Variants in RANBP2 observed in about 807,000 individuals in gnomAD.
RANBP2 encodes the protein RAN binding protein 2.
In RANBP2, 57 loss-of-function variants were observed where a neutral mutation model predicts 303.6. The observed-to-expected ratio is 0.19, with a 90% confidence interval of 0.15 to 0.23. RANBP2 has a LOEUF of 0.23. RANBP2 is among the 10% of genes least tolerant of loss of function. RANBP2 has a pLI of 1.00. For missense variants in RANBP2, 3,138 were observed against 3,780.8 expected (o/e 0.83, Z 4.46); for synonymous variants, 1,167 against 1,301.5 (o/e 0.90, Z 2.23).
chr2:109,129,567 C>T, the RANBP2 span: 2 of 1,489,098 alleles, frequency 1.3e-6, no homozygotes, highest in South Asian at 1.3e-5. Flanking sequence ...CCTGGCTGTG[C>T]GCATCCAAGG....
At chr2:109,614,155 T>C in the RANBP2 span, 2,604 of 1,193,722 alleles carry the variant, frequency 2.2e-3, 3 homozygotes, top group Admixed American at 5.0e-3. Context: ...GCGCGAGGAA[T>C]GCAGGCGGGA....
chr2:109,735,318 C>T, the RANBP2 span, among the ~76,000 whole-genome samples: 3 of 152,112 alleles, frequency 2.0e-5, no homozygotes, highest in Non-Finnish European at 2.9e-5. Flanking sequence ...GGTTCATTCA[C>T]GTTGTTGTAA....
the RANBP2 span, among the ~76,000 whole-genome samples, chr2:109,530,739 T>C: frequency 6.6e-6 from 1 of 152,222 alleles, no homozygotes; most frequent in Non-Finnish European, 1.5e-5. Flanking sequence ...AAGTCAAAGC[T>C]GACCACTGAC....
chr2:108,871,120 G>T, the RANBP2 span, among the ~76,000 whole-genome samples: 8 of 152,036 alleles, frequency 5.3e-5, 1 homozygote, highest in African/African-American at 1.9e-4. Flanking sequence ...TGAAAAGATG[G>T]ATGAATGGAT....
chr2:109,079,046 T>C, the RANBP2 span, among the ~76,000 whole-genome samples: 22 of 152,188 alleles, frequency 1.4e-4, no homozygotes, highest in Admixed American at 1.0e-3. Flanking sequence ...TGACTGGTAA[T>C]CGGTTCACGA....
At chr2:109,187,970 G>A in the RANBP2 span, among the ~76,000 whole-genome samples, 1 of 152,186 alleles carries the variant, frequency 6.6e-6, no homozygotes, top group African/African-American at 2.4e-5. Context: ...GGGCGGTAGG[G>A]ATTGTAAGGA....
the RANBP2 span, among the ~76,000 whole-genome samples, chr2:109,540,568 T>C: frequency 6.6e-6 from 1 of 151,874 alleles, no homozygotes; most frequent in Non-Finnish European, 1.5e-5. Flanking sequence ...CTCATGCCTG[T>C]AATTCTAACA....
At chr2:108,829,219 C>T in the RANBP2 span, among the ~76,000 whole-genome samples, 1 of 152,090 alleles carries the variant, frequency 6.6e-6, no homozygotes, top group Non-Finnish European at 1.5e-5. Flanking sequence ...GAAATATTAG[C>T]AAATTGTGTA....
chr2:109,544,240 C>G, the RANBP2 span: 1 of 1,612,074 alleles, frequency 6.2e-7, no homozygotes, highest in Non-Finnish European at 8.5e-7. Context: ...AAAATCAAAG[C>G]ACACTTCTAG....
the RANBP2 span, among the ~76,000 whole-genome samples, chr2:109,619,504 A>C: frequency 6.6e-6 from 1 of 152,176 alleles, no homozygotes; most frequent in African/African-American, 2.4e-5. Flanking sequence ...TTTTTAGCAA[A>C]ATTCAACTCT....
At chr2:109,061,891 C>A in the RANBP2 span, among the ~76,000 whole-genome samples, 1 of 152,130 alleles carries the variant, frequency 6.6e-6, no homozygotes, top group Non-Finnish European at 1.5e-5. Context: ...TGGAGCCATG[C>A]ATGCATTCCC....
chr2:108,826,630 G>T, the RANBP2 span, among the ~76,000 whole-genome samples: 1 of 152,084 alleles, frequency 6.6e-6, no homozygotes, highest in Admixed American at 6.6e-5. Context: ...CCTTATGCCG[G>T]TGTCACACTC....
At chr2:109,610,218 A>G in the RANBP2 span, among the ~76,000 whole-genome samples, 1 of 151,820 alleles carries the variant, frequency 6.6e-6, no homozygotes, top group Non-Finnish European at 1.5e-5. Flanking sequence ...CCTCCCAAGT[A>G]GTTGGGACTA....
At chr2:109,317,899 C>T in the RANBP2 span, among the ~76,000 whole-genome samples, 1 of 139,736 alleles carries the variant, frequency 7.2e-6, no homozygotes, top group Non-Finnish European at 1.6e-5. Flanking sequence ...ATGTATGTGG[C>T]CAGCAGCAGC....
the RANBP2 span, among the ~76,000 whole-genome samples, chr2:109,468,880 A>G: frequency 1.4e-5 from 2 of 145,714 alleles, no homozygotes; most frequent in East Asian, 3.9e-4. Flanking sequence ...AAAAAAAGTT[A>G]AATTCAGAGC....
At chr2:108,913,050 G>A in the RANBP2 span, among the ~76,000 whole-genome samples, 3 of 151,186 alleles carry the variant, frequency 2.0e-5, no homozygotes, top group Admixed American at 1.3e-4. Context: ...CCTGGTTGAC[G>A]CCATTCTCCT....
At chr2:109,132,630 T>TA in the RANBP2 span, among the ~76,000 whole-genome samples, 3 of 152,228 alleles carry the variant, frequency 2.0e-5, no homozygotes, top group Non-Finnish European at 1.5e-5. Context: ...GCAAATACTA[T>TA]ATGTGTGTTG....
At chr2:108,976,423 C>G in the RANBP2 span, among the ~76,000 whole-genome samples, 1 of 152,164 alleles carries the variant, frequency 6.6e-6, no homozygotes, top group Non-Finnish European at 1.5e-5. Context: ...TGATGCTGGC[C>G]TTGATCACTG....
chr2:109,714,270 G>C, the RANBP2 span, among the ~76,000 whole-genome samples: 1 of 151,960 alleles, frequency 6.6e-6, no homozygotes, highest in African/African-American at 2.4e-5. Context: ...GTGTGTGTGT[G>C]TGTGTGTGTT....
Sources: allele counts gnomAD v4.1 joint callset (sites outside exome capture counted in the v4.1 genomes callset), GRCh38; gene constraint gnomAD v4.1.1; transcripts MANE v1.5; gene names NCBI Gene and HGNC (gene_info 2026-07-23, HGNC 2026-07-21).